Variants in FAM135B observed in about 807,000 individuals in gnomAD.
The protein encoded by FAM135B is protein FAM135B.
Under a neutral mutation model 127.7 loss-of-function variants are expected in FAM135B, and 43 were observed. The observed-to-expected ratio is 0.34, with a 90% CI of 0.26 to 0.43. The LOEUF is 0.43. Among genes scored for constraint, FAM135B ranks in the 20% least tolerant of loss-of-function variants. The probability of loss-of-function intolerance (pLI) is 1.00; values close to 1 mark genes in which losing one functional copy is unlikely to be tolerated. For synonymous variants in FAM135B, 670 were observed against 665.1 expected (o/e 1.01, Z -0.11); for missense variants, 1,558 against 1,725.6 (o/e 0.90, Z 1.72).
chr8:138,150,254 G>A (rs1262515946), intron 13 of FAM135B, among the ~76,000 whole-genome samples: 3 of 152,194 alleles, frequency 2.0e-5, no homozygotes, highest in Admixed American at 6.5e-5. Context: ...AAGGGTGCTT[G>A]GGAGTCAAAT....
At chr8:138,165,096 A>G (rs1483353681) in intron 12 of FAM135B, among the ~76,000 whole-genome samples, 1 of 150,864 alleles carries the variant, frequency 6.6e-6, no homozygotes, top group East Asian at 2.0e-4. Flanking sequence ...GCAGAGAGGG[A>G]ATGAATTTAT....
At position 138,191,936 on chromosome 8, in the gene FAM135B, C is replaced by G. The variant is rs372753931; in HGVS notation, c.873+3322G>C. On this transcript the variant is annotated intron_variant, in intron 9 of 19. Transcript: ENST00000395297. ...TGGACTTCATCTCTATTCCCTGCAC[C>G]GATGCTGCCTCCTGGGCTTGCATCA... is the stretch of plus-strand genomic sequence containing the variant. 9.2e-5 allele frequency among the ~76,000 whole-genome samples: 14 copies of G among 152,312 alleles called. No homozygotes were observed. In the East Asian group the frequency reaches 2.3e-3, roughly 25 times the overall value.
intron 1 of FAM135B, among the ~76,000 whole-genome samples, chr8:138,474,539 A>G (rs1814284053): frequency 6.6e-6 from 1 of 152,100 alleles, no homozygotes; most frequent in African/African-American, 2.4e-5. Context: ...GTATGATTTT[A>G]CTGTGAAGAA....
At chr8:138,442,695 A>G (rs934203979) in intron 1 of FAM135B, among the ~76,000 whole-genome samples, 6 of 152,084 alleles carry the variant, frequency 3.9e-5, no homozygotes, top group Non-Finnish European at 5.9e-5. Flanking sequence ...AGCAGAATGT[A>G]AAAAGTAATA....
chr8:138,365,279 T>A (rs562791837), intron 2 of FAM135B, among the ~76,000 whole-genome samples: 2 of 152,230 alleles, frequency 1.3e-5, no homozygotes, highest in South Asian at 4.1e-4. Flanking sequence ...AACATACTGA[T>A]CTAGAAAAAA....
intron 1 of FAM135B, among the ~76,000 whole-genome samples, chr8:138,380,991 A>AAAAG (rs1831818291): frequency 6.6e-6 from 1 of 151,756 alleles, no homozygotes; most frequent in Non-Finnish European, 1.5e-5. Flanking sequence ...ACAAACAAAA[A>AAAAG]AAAACAGAAC....
rs745729418 is a variant in FAM135B at position 138,265,806 on chromosome 8, C to G, written c.194G>C (p.Ser65Thr). Reference protein sequence around the residue: ...SSLHSACVHDSTVHSRVFQIL... With the variant: ...SSLHSACVHDTTVHSRVFQIL... ...CTGAAAGACCCGGCTGTGCACGGTGCTGTCATGGACACAGGCTGAATGCAG... is the reference window on the plus strand; with the variant it reads ...CTGAAAGACCCGGCTGTGCACGGTGGTGTCATGGACACAGGCTGAATGCAG... Residue 65 changes from serine to threonine, a missense_variant, in exon 4 of 20, where the codon AGC becomes ACC. Ser to Thr is a moderately conservative substitution (Grantham distance 58). Around this residue, in one of 5 missense-constraint regions of FAM135B, gnomAD observed 199 missense variants for 245.7 expected, o/e 0.81. Coordinates refer to ENST00000395297, the MANE Select transcript of FAM135B (RefSeq NM_015912.4). 6 of 1,613,984 alleles carry G rather than the reference C, an allele frequency of 3.7e-6. No individual in the cohort carries two copies. The South Asian group carries it at 6.6e-5, about 18-fold the overall frequency.
chr8:138,409,082 T>A (rs932851528), intron 1 of FAM135B, among the ~76,000 whole-genome samples: 1 of 152,228 alleles, frequency 6.6e-6, no homozygotes, highest in Admixed American at 6.5e-5. Context: ...TCAGTTGATC[T>A]CAGCTTTTGA....
chr8:138,235,693 C>G (rs1396479229), intron 7 of FAM135B, among the ~76,000 whole-genome samples: 2 of 152,128 alleles, frequency 1.3e-5, no homozygotes. Context: ...CACCTCCCAT[C>G]AGAGGAGAAG....
intron 9 of FAM135B, among the ~76,000 whole-genome samples, chr8:138,191,209 C>A (rs80332481): frequency 6.6e-5 from 10 of 152,198 alleles, no homozygotes; most frequent in Non-Finnish European, 1.3e-4. Context: ...ACCTGTGACC[C>A]CACTTCATTC....
At chr8:138,280,209 T>C (rs1824155676) in intron 3 of FAM135B, among the ~76,000 whole-genome samples, 1 of 152,194 alleles carries the variant, frequency 6.6e-6, no homozygotes, top group Admixed American at 6.5e-5. Flanking sequence ...TGACTCCTTG[T>C]GTCTGAGAAA....
chr8:138,348,705 CTTTCAGTCTTA>C (rs978298216), intron 2 of FAM135B, among the ~76,000 whole-genome samples: 22 of 152,212 alleles, frequency 1.4e-4, no homozygotes, highest in Non-Finnish European at 1.5e-5. Flanking sequence ...CTTCTTTTCA[CTTTCAGTCTTA>C]GTTCTGGACT....
chr8:138,357,814 T>C (rs1830184638), intron 2 of FAM135B, among the ~76,000 whole-genome samples: 1 of 152,172 alleles, frequency 6.6e-6, no homozygotes, highest in Non-Finnish European at 1.5e-5. Flanking sequence ...CCTACAGCTA[T>C]CATTTCTTTA....
rs116317662 is a variant in FAM135B, at chr8:138,254,594, C to A, written c.368+2095G>T. Among the ~76,000 whole-genome samples the A allele has an allele frequency of 5.9e-3, 903 of 152,270 alleles. 13 individuals are homozygous for A. The highest frequency in any genetic ancestry group is 0.02 in the African/African-American group (850 of 41,548). Reference sequence around the variant, plus strand: ...GTTTATAGCTTGGGAAGAAGGCCAGCCTCTTTTAGGGCTTCTGAGTTCAGT... The same window carrying A: ...GTTTATAGCTTGGGAAGAAGGCCAGACTCTTTTAGGGCTTCTGAGTTCAGT... On this transcript the variant is annotated intron_variant, in intron 5 of 19. Transcript: ENST00000395297.
At chr8:138,202,141 G>T (rs868295074) in intron 7 of FAM135B, among the ~76,000 whole-genome samples, 1 of 56,368 alleles carries the variant, frequency 1.8e-5, no homozygotes, top group African/African-American at 7.4e-5. Context: ...AAAAAAAAAA[G>T]GCACCTCTCC....
At chr8:138,196,519 G>A (rs2131124927) in intron 8 of FAM135B, among the ~76,000 whole-genome samples, 1 of 152,244 alleles carries the variant, frequency 6.6e-6, no homozygotes, top group Non-Finnish European at 1.5e-5. Flanking sequence ...AGTCTATTTG[G>A]GAAGCAAAAC....
At chr8:138,194,744 A>G (rs1030515645) in intron 9 of FAM135B, among the ~76,000 whole-genome samples, 2 of 152,206 alleles carry the variant, frequency 1.3e-5, no homozygotes, top group African/African-American at 4.8e-5. Context: ...GGGGGATGTA[A>G]AAGTGTTCCA....
intron 12 of FAM135B, among the ~76,000 whole-genome samples, chr8:138,157,331 G>A: frequency 6.6e-6 from 1 of 152,104 alleles, no homozygotes; most frequent in East Asian, 1.9e-4. Flanking sequence ...CAAACCCACA[G>A]CCACTATCAT....
chr8:138,229,296 T>A (rs1315540184), intron 7 of FAM135B, among the ~76,000 whole-genome samples: 1 of 152,122 alleles, frequency 6.6e-6, no homozygotes, highest in African/African-American at 2.4e-5. Context: ...TGTCTGGGCG[T>A]GGCATTGGAC....
Sources: allele counts gnomAD v4.1 joint callset (sites outside exome capture counted in the v4.1 genomes callset), GRCh38; gene constraint gnomAD v4.1.1; regional missense constraint gnomAD v4.1.1; transcripts MANE v1.5; gene names NCBI Gene and HGNC (gene_info 2026-07-23, HGNC 2026-07-21).